The following TINAG variants were observed in gnomAD, a reference collection of about 807,000 sequenced individuals.
TINAG encodes the protein tubulointerstitial nephritis antigen.
A neutral mutation model predicts 72.7 loss-of-function variants in TINAG; 83 were observed. The ratio of observed to expected loss-of-function variants is 1.14; its 90% CI spans 0.96 to 1.37. The LOEUF (loss-of-function observed/expected upper bound fraction) is 1.37, where lower values mean the gene tolerates loss of function less well. Ranked by LOEUF, TINAG falls within the 40% of genes most tolerant of loss-of-function variation. TINAG has a pLI of 0.00. For missense variants in TINAG, 685 were observed against 576.6 expected, an observed-to-expected ratio of 1.19 and a Z score of -1.93; for synonymous variants, 234 against 189.9, an observed-to-expected ratio of 1.23 and a Z score of -1.91.
chr6:54,343,897 A>G (rs2150955197), intron 5 of TINAG, among the ~76,000 whole-genome samples: 1 of 152,304 alleles, frequency 6.6e-6, no homozygotes, highest in Middle Eastern at 3.4e-3. Flanking sequence ...TAATAAGAAT[A>G]GCTTCTAAAT....
intron 8 of TINAG, among the ~76,000 whole-genome samples, chr6:54,352,106 G>T (rs888114944): frequency 2.0e-5 from 3 of 151,752 alleles, no homozygotes; most frequent in African/African-American, 7.2e-5. Context: ...GGCTTGAAGT[G>T]CATGGAAGAA....
intron 1 of TINAG, among the ~76,000 whole-genome samples, chr6:54,317,839 T>C (rs1784407147): frequency 2.6e-5 from 4 of 152,172 alleles, no homozygotes; most frequent in Non-Finnish European, 5.9e-5. Context: ...TCCTACAGGA[T>C]GTCAGCTCCC....
intron 2 of TINAG, among the ~76,000 whole-genome samples, chr6:54,320,892 T>C (rs1426895580): frequency 6.6e-6 from 1 of 152,194 alleles, no homozygotes; most frequent in Non-Finnish European, 1.5e-5. Context: ...ATACAACAGG[T>C]CTTCATTAAA....
intron 4 of TINAG, among the ~76,000 whole-genome samples, chr6:54,328,643 G>A (rs1784664362): frequency 6.6e-6 from 1 of 151,988 alleles, no homozygotes; most frequent in African/African-American, 2.4e-5. Context: ...TCAGAAGTAG[G>A]CTTCAGAAGG....
chr6:54,384,207 G>T (rs973144555), intron 10 of TINAG, among the ~76,000 whole-genome samples: 2 of 152,156 alleles, frequency 1.3e-5, no homozygotes, highest in Non-Finnish European at 2.9e-5. Flanking sequence ...CTGTTCACGG[G>T]TGGGGGGCTA....
chr6:54,365,924 G>A (rs1296915050), intron 9 of TINAG, among the ~76,000 whole-genome samples: 2 of 151,534 alleles, frequency 1.3e-5, no homozygotes, highest in Non-Finnish European at 3.0e-5. Flanking sequence ...CAGCTACTTA[G>A]GAAGCTGAGG....
At chr6:54,367,782 A>C (rs1299731068) in intron 9 of TINAG, among the ~76,000 whole-genome samples, 1 of 151,584 alleles carries the variant, frequency 6.6e-6, no homozygotes, top group African/African-American at 2.4e-5. Context: ...AATATCATAC[A>C]CTGGGTGACC....
At chr6:54,355,727 G>GTGTGTA (rs1031692466) in intron 9 of TINAG, among the ~76,000 whole-genome samples, 5 of 149,006 alleles carry the variant, frequency 3.4e-5, no homozygotes, top group Admixed American at 6.7e-5. Context: ...GTGTGTGTGT[G>GTGTGTA]TGTGTGTGTG....
intron 9 of TINAG, among the ~76,000 whole-genome samples, chr6:54,373,912 C>T (rs545432493): frequency 3.0e-4 from 46 of 152,194 alleles, no homozygotes; most frequent in Non-Finnish European, 6.2e-4. Flanking sequence ...TGTCATTGAT[C>T]ATGATATATG....
chr6:54,379,762 T>A lies in TINAG; in HGVS notation c.1251-764T>A, dbSNP rs9474826. Among the ~76,000 whole-genome samples, 1,331 of 152,134 alleles carry A rather than the reference T, an allele frequency of 8.7e-3. 22 individuals are homozygous for A. Among genetic ancestry groups the A allele is most frequent in the African/African-American group, 0.031 (1,268 of 41,516 alleles). ...TGTAATATGGTTGTACCTCCTTTTT[T>A]AATCTAATTTTTATTTTTCTTTTTT... On this transcript the variant is annotated intron_variant, in intron 9 of 10. Coordinates refer to ENST00000259782, the MANE Select transcript of TINAG (RefSeq NM_014464.4).
At chr6:54,333,965 A>G (rs535568013) in intron 4 of TINAG, among the ~76,000 whole-genome samples, 1 of 152,332 alleles carries the variant, frequency 6.6e-6, no homozygotes, top group South Asian at 2.1e-4. Context: ...ACTCCTTTGT[A>G]AAATTACCTC....
intron 10 of TINAG, among the ~76,000 whole-genome samples, chr6:54,388,755 C>T (rs1764169601): frequency 6.6e-6 from 1 of 151,884 alleles, no homozygotes; most frequent in African/African-American, 2.4e-5. Flanking sequence ...ACCCAGGAGT[C>T]ATTTTGGACT....
At chr6:54,329,142 C>T (rs955968898) in intron 4 of TINAG, among the ~76,000 whole-genome samples, 5 of 151,876 alleles carry the variant, frequency 3.3e-5, no homozygotes, top group South Asian at 2.1e-4. Context: ...AGATACTCCT[C>T]GAGAAGAGCA....
intron 4 of TINAG, among the ~76,000 whole-genome samples, chr6:54,337,725 C>T (rs929041512): frequency 2.6e-5 from 4 of 152,120 alleles, no homozygotes; most frequent in Middle Eastern, 3.2e-3. Flanking sequence ...TGAGCAATAA[C>T]GACCATTTTC....
chr6:54,384,918 T>C (rs927069573), intron 10 of TINAG, among the ~76,000 whole-genome samples: 10 of 152,304 alleles, frequency 6.6e-5, no homozygotes, highest in Admixed American at 2.0e-4. Context: ...TATTTGCCAA[T>C]ATTGACCACA....
At chr6:54,365,030 A>T (rs1763363307) in intron 9 of TINAG, among the ~76,000 whole-genome samples, 1 of 151,514 alleles carries the variant, frequency 6.6e-6, no homozygotes, top group African/African-American at 2.4e-5. Context: ...TTTGAAAAAC[A>T]ACTGAATGCT....
intron 10 of TINAG, 122 bp downstream of exon 10, chr6:54,380,693 A>G: frequency 1.6e-6 from 1 of 634,784 alleles, no homozygotes; most frequent in Admixed American, 3.2e-5. Flanking sequence ...TGTTGATAAC[A>G]TCAGTGTTTT....
At chr6:54,352,540 T>C (rs1055647786) in intron 8 of TINAG, among the ~76,000 whole-genome samples, 24 of 151,914 alleles carry the variant, frequency 1.6e-4, no homozygotes, top group Non-Finnish European at 2.8e-4. Context: ...AGGGAATTAA[T>C]CTCTAATTTC....
chr6:54,365,958 A>C (rs1016997539), intron 9 of TINAG, among the ~76,000 whole-genome samples: 1 of 151,594 alleles, frequency 6.6e-6, no homozygotes, highest in Non-Finnish European at 1.5e-5. Context: ...TGAGCCTAGG[A>C]GTTCATGAAC....
Sources: gnomAD v4.1 joint callset for allele counts (sites outside exome capture counted in the v4.1 genomes callset) on GRCh38, gnomAD v4.1.1 for gene constraint, MANE v1.5 for transcripts, NCBI Gene and HGNC (gene_info 2026-07-23, HGNC 2026-07-21) for gene names.